NFATC1: variants seen among roughly 807,000 people sequenced by gnomAD.
The protein encoded by NFATC1 is nuclear factor of activated T-cells, cytoplasmic 1.
A neutral mutation model predicts 76.0 loss-of-function variants in NFATC1; 22 were observed. That is an observed-to-expected ratio of 0.29 (90% CI 0.21 to 0.41). The LOEUF (loss-of-function observed/expected upper bound fraction) is 0.41. Ranked by LOEUF, NFATC1 falls within the 10% of genes least tolerant of loss-of-function variation. The pLI is 1.00. For missense variants in NFATC1, 1,357 were observed against 1,337.7 expected, an observed-to-expected ratio of 1.01 and a Z score of -0.23; for synonymous variants, 704 against 613.1, an observed-to-expected ratio of 1.15 and a Z score of -2.19.
intron 9 of NFATC1, among the ~76,000 whole-genome samples, chr18:79,500,421 A>T (rs774892425): frequency 6.6e-6 from 1 of 152,176 alleles, no homozygotes; most frequent in Admixed American, 6.5e-5. Flanking sequence ...ATAGCTTTAA[A>T]TGCCTATATG....
chr18:79,416,446 G>A (rs2148215717), intron 2 of NFATC1, among the ~76,000 whole-genome samples: 1 of 152,338 alleles, frequency 6.6e-6, no homozygotes, highest in South Asian at 2.1e-4. Flanking sequence ...GTCCTGTAGT[G>A]GGGCCATCTC....
chr18:79,459,462 A>G (rs1381830115), intron 6 of NFATC1, among the ~76,000 whole-genome samples: 1 of 152,174 alleles, frequency 6.6e-6, no homozygotes. Flanking sequence ...CCTCGGCTGC[A>G]AAAATGGCGT....
At chr18:79,400,468 C>A in intron 1 of NFATC1, 2 of 1,486,854 alleles carry the variant, frequency 1.3e-6, no homozygotes, top group Non-Finnish European at 1.8e-6. Flanking sequence ...GGCGCCGCCG[C>A]GGCCGCCCCA....
At chr18:79,418,738 C>T (rs1166479176) in intron 2 of NFATC1, among the ~76,000 whole-genome samples, 1 of 152,208 alleles carries the variant, frequency 6.6e-6, no homozygotes, top group Non-Finnish European at 1.5e-5. Flanking sequence ...ATTTGGCAGC[C>T]CACGGTTTTC....
chr18:79,396,867 A>G (rs1385714909), intron 1 of NFATC1, among the ~76,000 whole-genome samples: 3 of 150,988 alleles, frequency 2.0e-5, no homozygotes, highest in African/African-American at 7.3e-5. Context: ...CCCAGGGCCG[A>G]GCCCGTCACG....
chr18:79,449,036 T>G, intron 4 of NFATC1, 52 bp downstream of exon 4: 4 of 1,570,356 alleles, frequency 2.5e-6, no homozygotes, highest in Non-Finnish European at 2.6e-6. Context: ...GGAGGGGGCG[T>G]GCCTCCCTCC....
intron 9 of NFATC1, among the ~76,000 whole-genome samples, chr18:79,519,760 C>T (rs897218323): frequency 2.6e-5 from 4 of 152,188 alleles, no homozygotes; most frequent in African/African-American, 2.4e-5. Flanking sequence ...GTTGAAGGGA[C>T]GCACTGCATT....
intron 2 of NFATC1, among the ~76,000 whole-genome samples, chr18:79,420,389 C>T (rs2086038605): frequency 2.1e-5 from 2 of 94,830 alleles, no homozygotes; most frequent in Non-Finnish European, 4.1e-5. Context: ...AGGAGGGTCG[C>T]GTTTCCAGGC....
In NFATC1 at chr18:79,410,104, G is replaced by T. The variant is rs367968760; in HGVS notation, c.128-299G>T. On this transcript the variant is annotated intron_variant, in intron 1 of 9. Transcript: ENST00000427363. The surrounding 1 kb of genome is among the most constrained non-coding windows in gnomAD (Gnocchi z 6.7). ...GGTTTTTGAATGAAGAGCGGAACCC[G>T]TGAGGACCCGGCCGCCTCTCCCTGG... 2 of 720,694 alleles carry T rather than the reference G, an allele frequency of 2.8e-6. No homozygotes were observed. Among genetic ancestry groups the T allele is most frequent in the Non-Finnish European group, 2.6e-6 (1 of 389,466 alleles). 44.6% of individuals were successfully genotyped at this position (720,694 alleles called of 1,614,324 possible).
intron 8 of NFATC1, among the ~76,000 whole-genome samples, chr18:79,484,743 A>T (rs1202631105): frequency 1.3e-5 from 2 of 152,190 alleles, no homozygotes; most frequent in Admixed American, 1.3e-4. Flanking sequence ...ACAGCTGGGA[A>T]CGGCCCATAT....
intron 8 of NFATC1, among the ~76,000 whole-genome samples, chr18:79,481,636 T>C (rs1412125065): frequency 6.6e-6 from 1 of 152,232 alleles, no homozygotes; most frequent in Non-Finnish European, 1.5e-5. Context: ...GTGCACCTTC[T>C]TCAGCCCGAA....
At chr18:79,482,935 C>T (rs1425448268) in intron 8 of NFATC1, among the ~76,000 whole-genome samples, 10 of 76,690 alleles carry the variant, frequency 1.3e-4, no homozygotes, top group African/African-American at 1.6e-4. Flanking sequence ...AGCGTGACCT[C>T]GTTCCTGGGG....
chr18:79,398,831 G>A (rs1168168279), intron 1 of NFATC1, among the ~76,000 whole-genome samples: 1 of 152,256 alleles, frequency 6.6e-6, no homozygotes, highest in East Asian at 1.9e-4. Flanking sequence ...CACTTTGGGA[G>A]GCCGAGGCAA....
intron 8 of NFATC1, among the ~76,000 whole-genome samples, chr18:79,472,625 G>A (rs1411605281): frequency 6.6e-6 from 1 of 152,146 alleles, no homozygotes; most frequent in African/African-American, 2.4e-5. Flanking sequence ...GAACACCTGT[G>A]GCCTCTTCCC....
Position 79,431,920 on chromosome 18 carries a change from C to G in NFATC1, c.1227-1659C>G, listed in dbSNP as rs377714425. Among the ~76,000 whole-genome samples the G allele has an allele frequency of 3.3e-4, 51 of 152,332 alleles. No homozygotes were observed. In the South Asian group the frequency reaches 0.01, roughly 31 times the overall value. On this transcript the variant is annotated intron_variant, in intron 2 of 9. Transcript: ENST00000427363. The stretch of plus-strand genomic sequence containing the variant: ...GTTTCACCATGTTGGCCAGGATGGT[C>G]TCAATCTCCTGACCTTGTGATCCAC...
At chr18:79,396,617 C>G (rs894946253) in intron 1 of NFATC1, among the ~76,000 whole-genome samples, 1 of 152,202 alleles carries the variant, frequency 6.6e-6, no homozygotes, top group Non-Finnish European at 1.5e-5. Context: ...CCGCGGGTCC[C>G]GCCGAGGAAG....
chr18:79,502,845 A>G (rs2090042741), intron 9 of NFATC1, among the ~76,000 whole-genome samples: 1 of 152,242 alleles, frequency 6.6e-6, no homozygotes, highest in Admixed American at 6.5e-5. Context: ...GACGAGGAGA[A>G]ATTGGGCCCC....
intron 1 of NFATC1, chr18:79,402,415 G>A (rs1052718486): frequency 1.0e-6 from 1 of 984,760 alleles, no homozygotes; most frequent in Non-Finnish European, 1.2e-6. Context: ...CACCCACCGG[G>A]CTCATTCCCC....
intron 3 of NFATC1, among the ~76,000 whole-genome samples, chr18:79,435,273 G>A (rs536849135): frequency 1.4e-4 from 22 of 152,266 alleles, no homozygotes; most frequent in African/African-American, 4.1e-4. Context: ...AATCGAGGCT[G>A]TTACTTGGAG....
Sources: allele counts gnomAD v4.1 joint callset (sites outside exome capture counted in the v4.1 genomes callset), GRCh38; gene constraint gnomAD v4.1.1; non-coding constraint Gnocchi (gnomAD v3.1); transcripts MANE v1.5; gene names NCBI Gene and HGNC (gene_info 2026-07-23, HGNC 2026-07-21).